ADGRL2: variants seen among roughly 807,000 people sequenced by gnomAD.
ADGRL2 encodes adhesion G protein-coupled receptor L2, also known as calcium-independent alpha-latrotoxin receptor 2.
Under a neutral mutation model 157.4 loss-of-function variants are expected in ADGRL2, and 44 were observed. That is an observed-to-expected ratio of 0.28 (90% CI 0.22 to 0.36). ADGRL2 has a LOEUF of 0.36. ADGRL2 is among the 10% of genes least tolerant of loss of function. The probability of loss-of-function intolerance (pLI) is 1.00; values close to 1 mark genes in which losing one functional copy is unlikely to be tolerated. For missense variants in ADGRL2, 1,510 were observed against 1,768.9 expected, an observed-to-expected ratio of 0.85 and a Z score of 2.63; for synonymous variants, 585 against 624.7, an observed-to-expected ratio of 0.94 and a Z score of 0.95.
At chr1:81,438,849 T>C (rs941712195) in intron 1 of ADGRL2, among the ~76,000 whole-genome samples, 1 of 152,124 alleles carries the variant, frequency 6.6e-6, no homozygotes, top group African/African-American at 2.4e-5. Flanking sequence ...CTTAGGGTGT[T>C]TTTTCCCTTA....
At chr1:81,973,941 A>ATG (rs1491556291) in intron 17 of ADGRL2, among the ~76,000 whole-genome samples, 1 of 75,950 alleles carries the variant, frequency 1.3e-5, no homozygotes, top group Non-Finnish European at 3.1e-5. Context: ...TGGGGAAAAA[A>ATG]TATATATATA....
chr1:81,547,218 G>T (rs1395169785), intron 2 of ADGRL2, among the ~76,000 whole-genome samples: 1 of 152,180 alleles, frequency 6.6e-6, no homozygotes, highest in Non-Finnish European at 1.5e-5. Context: ...ACTCTGAGGG[G>T]TTAAACTCAG....
At chr1:81,348,098 C>T (rs952983338) in intron 1 of ADGRL2, among the ~76,000 whole-genome samples, 1 of 152,196 alleles carries the variant, frequency 6.6e-6, no homozygotes, top group South Asian at 2.1e-4. Flanking sequence ...GGCCACCCCA[C>T]AGAGCTGAAG....
chr1:81,474,235 G>A (rs2078228397), intron 2 of ADGRL2, among the ~76,000 whole-genome samples: 1 of 152,210 alleles, frequency 6.6e-6, no homozygotes, highest in African/African-American at 2.4e-5. Flanking sequence ...GAATATGCCT[G>A]AGTTTAGCGG....
chr1:81,718,308 G>A (rs1033864711), intron 1 of ADGRL2, among the ~76,000 whole-genome samples: 2 of 152,142 alleles, frequency 1.3e-5, no homozygotes, highest in East Asian at 1.9e-4. Flanking sequence ...GTGAGCCACC[G>A]CATTTTGGGA....
At chr1:81,552,268 T>C (rs989316597) in intron 2 of ADGRL2, among the ~76,000 whole-genome samples, 19 of 152,250 alleles carry the variant, frequency 1.2e-4, no homozygotes, top group African/African-American at 4.6e-4. Flanking sequence ...TCCTGAATTG[T>C]TGAGAAGCAG....
chr1:81,777,583 C>A (rs2086636622), intron 2 of ADGRL2, among the ~76,000 whole-genome samples: 1 of 151,938 alleles, frequency 6.6e-6, no homozygotes, highest in Non-Finnish European at 1.5e-5. Flanking sequence ...CCAGCCTGGG[C>A]AACATGGTGA....
chr1:81,506,808 A>G (rs1373348454), intron 2 of ADGRL2, among the ~76,000 whole-genome samples: 1 of 152,202 alleles, frequency 6.6e-6, no homozygotes, highest in African/African-American at 2.4e-5. Flanking sequence ...CGCCTGCAAC[A>G]AAAAAGATTG....
In ADGRL2 at chr1:81,466,642, T is replaced by C. The variant is rs113910629; in HGVS notation, c.-248+21553T>C. 1.6e-3 allele frequency among the ~76,000 whole-genome samples: 237 copies of C among 150,420 alleles called. 1 individual carries two copies. The highest frequency in any genetic ancestry group is 0.01 in the Middle Eastern group (3 of 294). On this transcript the variant is annotated intron_variant, in intron 2 of 24. Coordinates refer to the ADGRL2 transcript ENST00000370721. The stretch of plus-strand genomic sequence containing the variant: ...GCAACCCAGTGATAAGTACAAGACA[T>C]GTAATGACATATAACATCTCTCTCT...
At chr1:81,392,477 C>A (rs2101140858) in intron 1 of ADGRL2, among the ~76,000 whole-genome samples, 1 of 152,134 alleles carries the variant, frequency 6.6e-6, no homozygotes, top group Middle Eastern at 3.4e-3. Context: ...AAGGAGCCAG[C>A]TTGACAGAGC....
chr1:81,790,970 G>A (rs1008209732), intron 2 of ADGRL2, among the ~76,000 whole-genome samples: 6 of 151,086 alleles, frequency 4.0e-5, no homozygotes, highest in African/African-American at 1.2e-4. Flanking sequence ...GGAGGATGGG[G>A]TGGGAGGATC....
At chr1:81,753,287 C>T (rs2085551275) in intron 1 of ADGRL2, among the ~76,000 whole-genome samples, 1 of 152,156 alleles carries the variant, frequency 6.6e-6, no homozygotes, top group African/African-American at 2.4e-5. Flanking sequence ...TGGTGGCAGG[C>T]AAGAGAGAGC....
At chr1:81,600,187 A>G (rs529023633) in intron 3 of ADGRL2, among the ~76,000 whole-genome samples, 32 of 152,214 alleles carry the variant, frequency 2.1e-4, no homozygotes, top group Non-Finnish European at 4.1e-4. Flanking sequence ...TCCAGCCTGG[A>G]ATAGGACTGT....
intron 2 of ADGRL2, among the ~76,000 whole-genome samples, chr1:81,887,971 C>G (rs1293835247): frequency 6.6e-6 from 1 of 151,880 alleles, no homozygotes; most frequent in Non-Finnish European, 1.5e-5. Context: ...GGGAAAGAGT[C>G]TGGATACTTT....
chr1:81,726,430 T>C (rs2084531777), intron 1 of ADGRL2, among the ~76,000 whole-genome samples: 1 of 152,210 alleles, frequency 6.6e-6, no homozygotes, highest in Admixed American at 6.5e-5. Context: ...TGTGTGGCTA[T>C]TGATTACTCA....
chr1:81,524,566 G>A (rs542227427), intron 2 of ADGRL2, among the ~76,000 whole-genome samples: 109 of 151,856 alleles, frequency 7.2e-4, no homozygotes, highest in Non-Finnish European at 1.3e-3. Flanking sequence ...ATCAATAGAA[G>A]ACAGTTTAAA....
chr1:81,363,049 T>G (rs1035903470), intron 1 of ADGRL2, among the ~76,000 whole-genome samples: 1 of 152,130 alleles, frequency 6.6e-6, no homozygotes, highest in Non-Finnish European at 1.5e-5. Flanking sequence ...TGTACATATA[T>G]GTATGTATAC....
intron 3 of ADGRL2, among the ~76,000 whole-genome samples, chr1:81,663,908 G>C (rs532725025): frequency 1.6e-4 from 25 of 152,218 alleles, no homozygotes; most frequent in South Asian, 1.2e-3. Flanking sequence ...GTGGATAAAG[G>C]CTGTTTAGTA....
intron 2 of ADGRL2, among the ~76,000 whole-genome samples, chr1:81,446,800 TA>T (rs1192670364): frequency 9.2e-5 from 14 of 152,322 alleles, no homozygotes; most frequent in African/African-American, 3.4e-4. Flanking sequence ...AAGGTAATAT[TA>T]AAGATGAAAA....
Sources: gnomAD v4.1 joint callset for allele counts (sites outside exome capture counted in the v4.1 genomes callset) on GRCh38, gnomAD v4.1.1 for gene constraint, MANE v1.5 for transcripts, NCBI Gene and HGNC (gene_info 2026-07-23, HGNC 2026-07-21) for gene names.